The following KCNH2 variants were observed in gnomAD, a reference collection of about 807,000 sequenced individuals.
KCNH2 encodes the protein voltage-gated inwardly rectifying potassium channel KCNH2.
Under a neutral mutation model 95.9 loss-of-function variants are expected in KCNH2, and 35 were observed. The ratio of observed to expected loss-of-function variants is 0.37; its 90% CI spans 0.28 to 0.48. The LOEUF is 0.48. Among genes scored for constraint, KCNH2 ranks in the 20% least tolerant of loss-of-function variants. The pLI, the probability that KCNH2 is intolerant of heterozygous loss-of-function variation, is 0.99. For missense variants in KCNH2, 1,274 were observed against 1,702.9 expected, an observed-to-expected ratio of 0.75 and a Z score of 4.43; for synonymous variants, 786 against 754.7, an observed-to-expected ratio of 1.04 and a Z score of -0.68.
rs909249955 is a variant in KCNH2, at chr7:150,962,880, G to C, written c.308-3144C>G. On this transcript the variant is annotated intron_variant, in intron 2 of 14. Coordinates refer to ENST00000262186, the MANE Select transcript of KCNH2 (RefSeq NM_000238.4). This position sits in a 1 kb window ranked among gnomAD's most constrained non-coding sequence, Gnocchi z 5.7. Reference sequence around the variant, plus strand: ...AGGCACTGCCTGCAACCACCCTGCCGCGTCGGCTGGGGCTTCGGTGAACTG... The same window carrying C: ...AGGCACTGCCTGCAACCACCCTGCCCCGTCGGCTGGGGCTTCGGTGAACTG... 1.3e-5 allele frequency among the ~76,000 whole-genome samples: 2 copies of C among 152,170 alleles called. No homozygotes were observed. The highest frequency in any genetic ancestry group is 2.9e-5 in the Non-Finnish European group (2 of 68,026).
chr7:150,967,979 A>G (rs993670496), intron 2 of KCNH2, among the ~76,000 whole-genome samples: 5 of 152,270 alleles, frequency 3.3e-5, no homozygotes, highest in African/African-American at 7.2e-5. Flanking sequence ...AGCAAAGGAC[A>G]TGAGCAGGCA....
Position 150,947,390 on chromosome 7 carries a change from C to A in KCNH2, c.3090G>T (p.Pro1030=), listed in dbSNP as rs778604642. Residue 1030 remains proline (P), a synonymous_variant, in exon 13 of 15, where the codon CCG becomes CCT. Coordinates refer to ENST00000262186, the MANE Select transcript of KCNH2 (RefSeq NM_000238.4). ...CCACGTCGCCCCGGGGCCGCCGACC[C>A]GGGCTGGAGAGGGGGATGTTGAGGA... ...PSLLNIPLSS[P]GRRPRGDVES... is the part of the protein sequence containing the mutation. 2 of 1,521,848 alleles carry A rather than the reference C, an allele frequency of 1.3e-6. No homozygotes were observed. The highest frequency in any genetic ancestry group is 1.8e-6 in the Non-Finnish European group (2 of 1,133,240). 94.3% of individuals were successfully genotyped at this position (1,521,848 alleles called of 1,614,324 possible).
intron 4 of KCNH2, among the ~76,000 whole-genome samples, chr7:150,957,831 TCCAGGGGCCCA>T (rs1801429358): frequency 6.6e-6 from 1 of 152,172 alleles, no homozygotes; most frequent in African/African-American, 2.4e-5. Context: ...GACAGCCAGC[TCCAGGGGCCCA>T]CCAGGGCTCT....
intron 9 of KCNH2, chr7:150,949,833 A>T: frequency 7.9e-7 from 1 of 1,262,290 alleles, no homozygotes; most frequent in Admixed American, 3.1e-5. Context: ...TAGTGAAACC[A>T]AATGCCGAGC....
At chr7:150,954,761 C>T (rs549482736) in intron 5 of KCNH2, among the ~76,000 whole-genome samples, 31 of 152,310 alleles carry the variant, frequency 2.0e-4, no homozygotes, top group African/African-American at 5.8e-4. Flanking sequence ...CCTCCACTGT[C>T]GGCCCAAGCC....
At chr7:150,969,934 A>G (rs1219917156) in intron 2 of KCNH2, among the ~76,000 whole-genome samples, 2 of 152,162 alleles carry the variant, frequency 1.3e-5, no homozygotes, top group South Asian at 4.2e-4. Flanking sequence ...ACTTTAGGGG[A>G]GCACCCCACA....
intron 5 of KCNH2, among the ~76,000 whole-genome samples, chr7:150,953,651 G>C (rs886296128): frequency 1.3e-5 from 2 of 152,188 alleles, no homozygotes; most frequent in Non-Finnish European, 2.9e-5. Context: ...ATCCGGACCC[G>C]GTGACAGCAG....
intron 9 of KCNH2, chr7:150,949,555 G>A (rs192735760): frequency 2.5e-5 from 24 of 952,566 alleles, no homozygotes; most frequent in Non-Finnish European, 2.8e-5. Flanking sequence ...GTGGGGGTGT[G>A]TATTTGTGTT....
At chr7:150,971,116 G>T (rs762132841) in intron 2 of KCNH2, among the ~76,000 whole-genome samples, 8 of 152,220 alleles carry the variant, frequency 5.3e-5, no homozygotes, top group Non-Finnish European at 5.9e-5. Flanking sequence ...AAATGAAGAA[G>T]GCAAGGAAGA....
rs199473040 is a variant in KCNH2, at chr7:150,948,501, C to T, written c.2635G>A (p.Gly879Ser). The T allele has an allele frequency of 6.2e-7, 1 of 1,613,650 alleles. No individual in the cohort carries two copies. Among genetic ancestry groups the T allele is most frequent in the South Asian group, 1.1e-5 (1 of 91,072 alleles). ...CGCTTGCGTTGCCGACTGAAGCCAC[C>T]CTCTAACTCCGTACTGCCGGGGGAG... ...PGSPGSTELE[G>S]GFSRQRKRKL... Residue 879 changes from glycine (G) to serine (S), a missense_variant, in exon 11 of 15, where the codon GGT (glycine) becomes AGT (serine). Gly to Ser is a moderately conservative substitution (Grantham distance 56). Coordinates refer to ENST00000262186, the MANE Select transcript of KCNH2 (RefSeq NM_000238.4).
chr7:150,978,047 A>C lies in KCNH2; in HGVS notation c.-134T>G, dbSNP rs1802023067. On this transcript the variant is annotated 5_prime_UTR_variant, in exon 1 of 15. Transcript: ENST00000262186. ...CAAGCCGAGCACGGGCGCGGCCAAG[A>C]CTGGACTGCGGGCGCCGGGTCCTCG... 2 of 301,462 alleles carry C rather than the reference A, an allele frequency of 6.6e-6. No homozygotes were observed. Among genetic ancestry groups the C allele is most frequent in the East Asian group, 1.2e-4 (2 of 16,518 alleles). 18.7% of individuals were successfully genotyped at this position (301,462 alleles called of 1,614,324 possible). A position where few individuals can be genotyped will look rare whatever the true frequency, so the allele number is the denominator to read the frequency against.
intron 2 of KCNH2, among the ~76,000 whole-genome samples, chr7:150,974,316 G>T (rs1261791874): frequency 6.6e-6 from 1 of 152,184 alleles, no homozygotes; most frequent in South Asian, 2.1e-4. Flanking sequence ...GCCTGTGCCC[G>T]GATGTCAGCG....
At chr7:150,973,663 G>A (rs1216123087) in intron 2 of KCNH2, among the ~76,000 whole-genome samples, 1 of 152,234 alleles carries the variant, frequency 6.6e-6, no homozygotes, top group African/African-American at 2.4e-5. Context: ...CAGCCTGGAG[G>A]ATGCAAAGCT....
intron 9 of KCNH2, 146 bp downstream of exon 9, chr7:150,950,022 G>C (rs1398314337): frequency 1.3e-6 from 2 of 1,586,286 alleles, no homozygotes; most frequent in Admixed American, 3.6e-5. Flanking sequence ...CGCTTGGAGG[G>C]CCTGAGTTTA....
At chr7:150,948,631 A>G in intron 10 of KCNH2, 88 bp from the exon 11 acceptor site, 1 of 1,324,876 alleles carries the variant, frequency 7.5e-7, no homozygotes, top group Non-Finnish European at 1.1e-6. Context: ...ACACAGAAAA[A>G]GTAGGGCTGG....
At chr7:150,968,290 G>A (rs1801755905) in intron 2 of KCNH2, among the ~76,000 whole-genome samples, 1 of 152,286 alleles carries the variant, frequency 6.6e-6, no homozygotes, top group East Asian at 1.9e-4. Context: ...GTCCAGAAGG[G>A]ACCATGTCCA....
chr7:150,966,408 C>G (rs961268262), intron 2 of KCNH2, among the ~76,000 whole-genome samples: 9 of 123,746 alleles, frequency 7.3e-5, no homozygotes, highest in South Asian at 2.6e-4. Flanking sequence ...CACACACACA[C>G]AGGACACTGT....
intron 5 of KCNH2, among the ~76,000 whole-genome samples, chr7:150,954,979 A>C (rs1801317904): frequency 6.6e-6 from 1 of 152,242 alleles, no homozygotes; most frequent in South Asian, 2.1e-4. Flanking sequence ...CACAGGGTCC[A>C]ACCCCAGCAC....
chr7:150,957,160 C>T lies in KCNH2; in HGVS notation c.1128+131G>A, dbSNP rs41311015. 0.015 allele frequency: 11,566 copies of T among 772,248 alleles called. 145 individuals carry two copies. Among genetic ancestry groups the T allele is most frequent in the Non-Finnish European group, 0.018 (7,996 of 445,426 alleles). The allele number at this position is 772,248 out of a possible 1,614,324, so 47.8% of individuals were successfully genotyped here. On this transcript the variant is annotated intron_variant, in intron 5 of 14. Coordinates refer to ENST00000262186, the MANE Select transcript of KCNH2 (RefSeq NM_000238.4). ...CTGGAATAGATTGCCAACCCCAACC[C>T]TCAGGTCTGCCTCCCTCCAAGAGGC...
Sources: allele counts gnomAD v4.1 joint callset (sites outside exome capture counted in the v4.1 genomes callset), GRCh38; gene constraint gnomAD v4.1.1; non-coding constraint Gnocchi (gnomAD v3.1); transcripts MANE v1.5; gene names NCBI Gene and HGNC (gene_info 2026-07-23, HGNC 2026-07-21).